OSBPL8: variants seen among roughly 807,000 people sequenced by gnomAD.
OSBPL8 encodes the protein oxysterol-binding protein-related protein 8.
A neutral mutation model predicts 125.5 loss-of-function variants in OSBPL8; 59 were observed. The observed-to-expected ratio is 0.47, with a 90% CI of 0.38 to 0.58. The LOEUF is 0.58. Among genes scored for constraint, OSBPL8 ranks in the 20% least tolerant of loss-of-function variants. The probability of loss-of-function intolerance (pLI) is 0.00; values close to 1 mark genes in which losing one functional copy is unlikely to be tolerated. For synonymous variants in OSBPL8, 330 were observed against 338.9 expected, an observed-to-expected ratio of 0.97 and a Z score of 0.29; for missense variants, 758 against 1,047.8, an observed-to-expected ratio of 0.72 and a Z score of 3.82.
chr12:76,478,363 C>T (rs991674162), intron 2 of OSBPL8, among the ~76,000 whole-genome samples: 2 of 152,006 alleles, frequency 1.3e-5, no homozygotes, highest in Admixed American at 1.3e-4. Context: ...AATTTTTACC[C>T]CTCACAGATT....
At chr12:76,391,436 G>A (rs1490511479) in intron 10 of OSBPL8, among the ~76,000 whole-genome samples, 2 of 151,950 alleles carry the variant, frequency 1.3e-5, no homozygotes, top group East Asian at 1.9e-4. Context: ...TATCTCATTC[G>A]GGCACCAGGT....
Position 76,510,892 on chromosome 12 carries a change from A to AT in OSBPL8, c.-67-23275_-67-23274insA, listed in dbSNP as rs748860275. 3.3e-3 allele frequency among the ~76,000 whole-genome samples: 483 copies of AT among 145,414 alleles called. 3 individuals are homozygous for AT. Among genetic ancestry groups the AT allele is most frequent in the African/African-American group, 5.8e-3 (233 of 39,974 alleles). On this transcript the variant is annotated intron_variant, in intron 1 of 23. Transcript: ENST00000261183. Reference sequence around the variant, plus strand: ...GTGAAACCCCATCTCAAAAAAAAAAAAAAAAATATATTTACCTCTTGCCAT... The same window carrying AT: ...GTGAAACCCCATCTCAAAAAAAAAAATAAAAAATATATTTACCTCTTGCCAT...
intron 1 of OSBPL8, among the ~76,000 whole-genome samples, chr12:76,492,917 T>C (rs1228022051): frequency 6.6e-6 from 1 of 150,800 alleles, no homozygotes; most frequent in East Asian, 1.9e-4. Flanking sequence ...TATATAGATA[T>C]ATATAGATAT....
intron 19 of OSBPL8, among the ~76,000 whole-genome samples, chr12:76,370,745 G>A (rs1952590421): frequency 6.6e-6 from 1 of 152,076 alleles, no homozygotes; most frequent in African/African-American, 2.4e-5. Context: ...AGTGTAGAAG[G>A]GAAGGTACAC....
intron 1 of OSBPL8, among the ~76,000 whole-genome samples, chr12:76,526,577 T>C (rs1950178645): frequency 6.7e-6 from 1 of 148,230 alleles, no homozygotes; most frequent in Admixed American, 6.9e-5. Context: ...ATATAATATA[T>C]AACTGTAAAA....
At chr12:76,402,315 G>A (rs769831164) in intron 6 of OSBPL8, among the ~76,000 whole-genome samples, 1 of 152,166 alleles carries the variant, frequency 6.6e-6, no homozygotes, top group Non-Finnish European at 1.5e-5. Flanking sequence ...TGCAGGTCAA[G>A]TTCAGGCCAT....
rs77588698 is a variant in OSBPL8, at chr12:76,518,783, G to A, written c.-67-31165C>T. ...AGCTGTACCTGGGCCCCTTTGAGCC[G>A]AGGCTGGAGCTGGAGCAGCTAGAAT... On this transcript the variant is annotated intron_variant, in intron 1 of 23. Transcript: ENST00000261183. Among the ~76,000 whole-genome samples the A allele has an allele frequency of 3.7e-4, 57 of 152,330 alleles. No homozygotes were observed. The East Asian group carries it at 9.7e-3, about 26-fold the overall frequency.
At chr12:76,429,874 C>T (rs1870601895) in intron 4 of OSBPL8, among the ~76,000 whole-genome samples, 1 of 130,260 alleles carries the variant, frequency 7.7e-6, no homozygotes, top group South Asian at 2.3e-4. Flanking sequence ...GTGAGACTCA[C>T]AGACAAGGGT....
intron 1 of OSBPL8, among the ~76,000 whole-genome samples, chr12:76,537,646 C>T (rs1211247888): frequency 6.6e-6 from 1 of 152,168 alleles, no homozygotes; most frequent in Admixed American, 6.5e-5. Flanking sequence ...CGGTGGCTCA[C>T]ACCTGTAATC....
chr12:76,388,743 T>C (rs1017335008), intron 12 of OSBPL8, among the ~76,000 whole-genome samples: 1 of 152,232 alleles, frequency 6.6e-6, no homozygotes, highest in South Asian at 2.1e-4. Flanking sequence ...TCCTTTTCTA[T>C]AGAATCATTT....
At chr12:76,487,917 T>C (rs1220565272) in intron 1 of OSBPL8, among the ~76,000 whole-genome samples, 1 of 152,196 alleles carries the variant, frequency 6.6e-6, no homozygotes, top group Non-Finnish European at 1.5e-5. Context: ...AGTTTTTCAT[T>C]ATTACATTGG....
chr12:76,433,528 T>C (rs961651244), intron 4 of OSBPL8, among the ~76,000 whole-genome samples: 13 of 151,610 alleles, frequency 8.6e-5, no homozygotes, highest in Non-Finnish European at 1.8e-4. Flanking sequence ...AAATTAATAG[T>C]GATGAAGGAA....
chr12:76,364,521 G>A (rs547219926), intron 21 of OSBPL8, among the ~76,000 whole-genome samples: 183 of 152,176 alleles, frequency 1.2e-3, no homozygotes, highest in African/African-American at 4.1e-3. Flanking sequence ...GCTAGGGGAG[G>A]GATAGCATTA....
At chr12:76,482,015 C>T (rs571356241) in intron 2 of OSBPL8, among the ~76,000 whole-genome samples, 1 of 152,322 alleles carries the variant, frequency 6.6e-6, no homozygotes, top group South Asian at 2.1e-4. Context: ...TGGATCATCT[C>T]TAGGCTCTCC....
chr12:76,409,920 A>T (rs962514864), intron 5 of OSBPL8, among the ~76,000 whole-genome samples: 1 of 152,178 alleles, frequency 6.6e-6, no homozygotes, highest in Non-Finnish European at 1.5e-5. Context: ...CCCTGCTACT[A>T]TATCTTACCA....
At chr12:76,430,342 C>G (rs950261065) in intron 4 of OSBPL8, among the ~76,000 whole-genome samples, 1 of 152,308 alleles carries the variant, frequency 6.6e-6, no homozygotes, top group South Asian at 2.1e-4. Flanking sequence ...ACCAGCTCCA[C>G]TCCCACTCAA....
intron 15 of OSBPL8, among the ~76,000 whole-genome samples, chr12:76,379,453 T>A (rs145633966): frequency 6.6e-6 from 1 of 152,184 alleles, no homozygotes; most frequent in East Asian, 1.9e-4. Context: ...AATTGCAGAG[T>A]CATATAACCA....
chr12:76,470,074 C>G (rs980334499), intron 2 of OSBPL8, among the ~76,000 whole-genome samples: 3 of 152,130 alleles, frequency 2.0e-5, no homozygotes, highest in Non-Finnish European at 4.4e-5. Context: ...GGTAATGAAA[C>G]ATGAATTACA....
intron 7 of OSBPL8, 145 bp downstream of exon 7, chr12:76,399,728 G>A: frequency 1.8e-6 from 1 of 548,376 alleles, no homozygotes; most frequent in Non-Finnish European, 3.1e-6. Context: ...GAACCTCCGG[G>A]AATACAATAA....
Sources: gnomAD v4.1 joint callset for allele counts (sites outside exome capture counted in the v4.1 genomes callset) on GRCh38, gnomAD v4.1.1 for gene constraint, MANE v1.5 for transcripts, NCBI Gene and HGNC (gene_info 2026-07-23, HGNC 2026-07-21) for gene names.